Variants in BMP6 observed in about 807,000 individuals in gnomAD.
The protein encoded by BMP6 is bone morphogenetic protein 6.
In BMP6, 17 loss-of-function variants were observed where a neutral mutation model predicts 54.1. The observed-to-expected ratio is 0.31, with a 90% CI of 0.22 to 0.47. The LOEUF is 0.47. BMP6 is among the 20% of genes least tolerant of loss of function. The pLI is 1.00. For synonymous variants in BMP6, 328 were observed against 291.2 expected (o/e 1.13, Z -1.28); for missense variants, 720 against 690.4 (o/e 1.04, Z -0.48).
At chr6:7,727,699 TG>T in intron 1 of BMP6, 80 bp downstream of exon 1, 1 of 1,377,240 alleles carries the variant, frequency 7.3e-7, no homozygotes, top group Non-Finnish European at 9.4e-7. Flanking sequence ...AGTGAGGGGG[TG>T]GAGGAGCTCC....
At chr6:7,742,254 T>G (rs1561756667) in intron 1 of BMP6, among the ~76,000 whole-genome samples, 1 of 152,262 alleles carries the variant, frequency 6.6e-6, no homozygotes, top group East Asian at 1.9e-4. Flanking sequence ...TTCTATCTGA[T>G]GTCATTATGA....
intron 1 of BMP6, among the ~76,000 whole-genome samples, chr6:7,806,993 G>A (rs1411747436): frequency 3.3e-5 from 5 of 152,186 alleles, no homozygotes; most frequent in Non-Finnish European, 7.4e-5. Context: ...CTCCTGACAA[G>A]AGGATTCCAC....
At chr6:7,851,141 CA>C (rs1759135698) in intron 2 of BMP6, among the ~76,000 whole-genome samples, 1 of 152,070 alleles carries the variant, frequency 6.6e-6, no homozygotes, top group Admixed American at 6.5e-5. Context: ...TTTGTTTCCA[CA>C]AAAAATAAAA....
chr6:7,752,875 G>A (rs899656820), intron 1 of BMP6, among the ~76,000 whole-genome samples: 1 of 152,078 alleles, frequency 6.6e-6, no homozygotes, highest in African/African-American at 2.4e-5. Flanking sequence ...TGGCTCTTCT[G>A]TAGGGCTGTG....
intron 1 of BMP6, among the ~76,000 whole-genome samples, chr6:7,796,865 TA>T (rs1443864251): frequency 6.6e-6 from 1 of 152,236 alleles, no homozygotes; most frequent in African/African-American, 2.4e-5. Flanking sequence ...TTCTGTGAAA[TA>T]ATCATCTTAT....
chr6:7,799,904 T>G (rs973946871), intron 1 of BMP6, among the ~76,000 whole-genome samples: 1 of 152,150 alleles, frequency 6.6e-6, no homozygotes, highest in African/African-American at 2.4e-5. Context: ...GATCACTTAT[T>G]GATAGGTGCA....
In BMP6 at chr6:7,833,068, C is replaced by T. The variant is rs114453433; in HGVS notation, c.665-12072C>T. ...GAGTGGATGGACATGGGGCAAAATG[C>T]GAGGCAGTGGGACTGAGGCTCTGCA... is the stretch of plus-strand genomic sequence containing the variant. On this transcript the variant is annotated intron_variant, in intron 1 of 6. Transcript: ENST00000283147. 3.7e-3 allele frequency among the ~76,000 whole-genome samples: 563 copies of T among 151,826 alleles called. 7 individuals carry two copies. The highest frequency in any genetic ancestry group is 0.013 in the African/African-American group (526 of 41,398).
intron 1 of BMP6, among the ~76,000 whole-genome samples, chr6:7,747,111 G>A (rs1288933896): frequency 1.3e-5 from 2 of 152,106 alleles, no homozygotes; most frequent in Non-Finnish European, 2.9e-5. Context: ...TCATTACCTC[G>A]GTTCACAAAA....
At chr6:7,857,749 A>G (rs1195959303) in intron 2 of BMP6, among the ~76,000 whole-genome samples, 1 of 152,232 alleles carries the variant, frequency 6.6e-6, no homozygotes, top group Non-Finnish European at 1.5e-5. Context: ...AAACATTAGT[A>G]CATGTGGGTC....
intron 4 of BMP6, among the ~76,000 whole-genome samples, chr6:7,866,479 A>G (rs777395676): frequency 2.0e-5 from 3 of 152,196 alleles, no homozygotes; most frequent in Non-Finnish European, 1.5e-5. Context: ...CTGTGATACC[A>G]CTTGGCCAAT....
chr6:7,738,964 A>G (rs1192529315), intron 1 of BMP6, among the ~76,000 whole-genome samples: 1 of 152,188 alleles, frequency 6.6e-6, no homozygotes, highest in African/African-American at 2.4e-5. Flanking sequence ...ATCCTTAAGA[A>G]TGGAATTTGC....
chr6:7,728,952 G>C (rs1486614754), intron 1 of BMP6, among the ~76,000 whole-genome samples: 1 of 152,312 alleles, frequency 6.6e-6, no homozygotes, highest in South Asian at 2.1e-4. Context: ...GAGAACATGG[G>C]GGGTAAGAGC....
intron 1 of BMP6, among the ~76,000 whole-genome samples, chr6:7,816,730 G>A (rs1758533170): frequency 6.6e-6 from 1 of 151,840 alleles, no homozygotes; most frequent in African/African-American, 2.4e-5. Context: ...ACTTTGTTTT[G>A]GTAGTGATTG....
chr6:7,736,778 T>A (rs1761961605), intron 1 of BMP6, among the ~76,000 whole-genome samples: 1 of 152,230 alleles, frequency 6.6e-6, no homozygotes, highest in Non-Finnish European at 1.5e-5. Flanking sequence ...GTGAATTCTC[T>A]CCATCTCTCT....
At chr6:7,780,290 G>A (rs890901134) in intron 1 of BMP6, among the ~76,000 whole-genome samples, 5 of 152,108 alleles carry the variant, frequency 3.3e-5, no homozygotes, top group Admixed American at 1.3e-4. Flanking sequence ...GCTCATGCAT[G>A]TAATCCCAGA....
At chr6:7,856,746 G>A (rs867648038) in intron 2 of BMP6, among the ~76,000 whole-genome samples, 4 of 149,908 alleles carry the variant, frequency 2.7e-5, no homozygotes, top group Admixed American at 6.7e-5. Flanking sequence ...ACAGGCGCCC[G>A]CCACTACGCC....
intron 1 of BMP6, among the ~76,000 whole-genome samples, chr6:7,818,328 G>A (rs549289544): frequency 1.4e-3 from 202 of 140,560 alleles, no homozygotes; most frequent in Middle Eastern, 3.9e-3. Flanking sequence ...AGGGGACTTG[G>A]GGTGAAAAAA....
chr6:7,853,045 C>T (rs1759170692), intron 2 of BMP6, among the ~76,000 whole-genome samples: 1 of 152,146 alleles, frequency 6.6e-6, no homozygotes, highest in Non-Finnish European at 1.5e-5. Context: ...CCAATTGCTG[C>T]TTGGTGTCTG....
chr6:7,797,339 C>A (rs544590207), intron 1 of BMP6, among the ~76,000 whole-genome samples: 1 of 152,262 alleles, frequency 6.6e-6, no homozygotes, highest in South Asian at 2.1e-4. Context: ...TTACACATCC[C>A]GAGTAATGAA....
Sources: allele counts gnomAD v4.1 joint callset (sites outside exome capture counted in the v4.1 genomes callset), GRCh38; gene constraint gnomAD v4.1.1; transcripts MANE v1.5; gene names NCBI Gene and HGNC (gene_info 2026-07-23, HGNC 2026-07-21).